The following NBEAL1 variants were observed in gnomAD, a reference collection of about 807,000 sequenced individuals.
NBEAL1 encodes neurobeachin like 1, also known as neurobeachin-like protein 1.
A neutral mutation model predicts 351.3 loss-of-function variants in NBEAL1; 273 were observed. That is an observed-to-expected ratio of 0.78 (90% CI 0.70 to 0.86). The LOEUF is 0.86. Ranked by LOEUF, NBEAL1 falls within the 40% of genes least tolerant of loss-of-function variation. The probability of loss-of-function intolerance (pLI) is 0.00; values close to 1 mark genes in which losing one functional copy is unlikely to be tolerated. For synonymous variants in NBEAL1, 1,050 were observed against 1,086.4 expected (o/e 0.97, Z 0.66); for missense variants, 2,961 against 3,201.3 (o/e 0.92, Z 1.81).
rs2064268909 is a variant in NBEAL1, at chr2:203,169,963, T to C, written c.6102+112T>C. 1.6e-5 allele frequency: 11 copies of C among 672,538 alleles called. No homozygotes were observed. The South Asian group carries it at 1.9e-4, about 12-fold the overall frequency. 41.7% of individuals were successfully genotyped at this position (672,538 alleles called of 1,614,324 possible). On this transcript the variant is annotated intron_variant, in intron 39 of 55. Coordinates refer to ENST00000683969, the MANE Select transcript of NBEAL1 (RefSeq NM_001378026.1). ...ACAACTGCTGTTCTTCCATTCAGAC[T>C]GATCTTTTGAATTATCTTTGAATCT... is the stretch of plus-strand genomic sequence containing the variant.
At chr2:203,024,551 CA>C (rs59398616) in intron 2 of NBEAL1, among the ~76,000 whole-genome samples, 95 of 131,650 alleles carry the variant, frequency 7.2e-4, no homozygotes, top group Admixed American at 1.1e-3. Flanking sequence ...GACTCTGTCT[CA>C]AAAAAAAAAA....
chr2:203,178,557 A>G (rs527280853), intron 42 of NBEAL1, among the ~76,000 whole-genome samples: 5 of 152,352 alleles, frequency 3.3e-5, no homozygotes, highest in African/African-American at 1.2e-4. Flanking sequence ...ACAATGGAAT[A>G]TTATTTGGCC....
At chr2:203,095,369 ACCGCAACCTCCAC>A (rs1574961819) in intron 10 of NBEAL1, among the ~76,000 whole-genome samples, 1 of 151,454 alleles carries the variant, frequency 6.6e-6, no homozygotes, top group East Asian at 2.0e-4. Context: ...ATCTCGGCTC[ACCGCAACCTCCAC>A]CTCCCAGGTT....
rs575469227 is a variant in NBEAL1 at position 203,174,820 on chromosome 2, G to T, written c.6324-327G>T. Among the ~76,000 whole-genome samples, 12 of 151,602 alleles carry T rather than the reference G, an allele frequency of 7.9e-5. No homozygotes were observed. In the East Asian group the frequency reaches 2.3e-3, roughly 29 times the overall value. On this transcript the variant is annotated intron_variant, in intron 41 of 55. Transcript: ENST00000683969. ...GCAGGAGAATGATGTGAACCCAGGA[G>T]GCGGAGCTTGCAGTGAGCCGAGAGC...
intron 4 of NBEAL1, among the ~76,000 whole-genome samples, chr2:203,054,471 G>C (rs527314533): frequency 2.0e-5 from 3 of 151,088 alleles, no homozygotes; most frequent in African/African-American, 7.3e-5. Context: ...GTCTTGCTAC[G>C]TTGCCCAGGC....
chr2:203,207,539 T>A (rs932627958), intron 51 of NBEAL1, among the ~76,000 whole-genome samples: 1 of 152,330 alleles, frequency 6.6e-6, no homozygotes, highest in Admixed American at 6.5e-5. Flanking sequence ...GAGGTAGACA[T>A]GGGAGACTTT....
At chr2:203,179,409 G>T (rs1375522961) in intron 42 of NBEAL1, among the ~76,000 whole-genome samples, 2 of 152,150 alleles carry the variant, frequency 1.3e-5, no homozygotes, top group Non-Finnish European at 2.9e-5. Flanking sequence ...GTTTGACACT[G>T]TAGCACATTA....
intron 12 of NBEAL1, 136 bp downstream of exon 12, chr2:203,099,848 A>G: frequency 1.7e-6 from 1 of 599,526 alleles, no homozygotes; most frequent in Non-Finnish European, 2.9e-6. Flanking sequence ...CCACCCAGGT[A>G]ATAAGCATAG....
rs755713932 is a variant in NBEAL1 at position 203,145,043 on chromosome 2, T to C, written c.5187T>C (p.His1729=). 46 of 1,608,566 alleles carry C rather than the reference T, an allele frequency of 2.9e-5. No homozygotes were observed. In the South Asian group the frequency reaches 5.0e-4, roughly 18 times the overall value. ...CTTATATGAAGCAGTATGAAGCTCA[T>C]ACATTTTACGATGGTCATGAGAACA... ...IVPYMKQYEA[H]TFYDGHENMA... Residue 1729 remains histidine, a synonymous_variant, in exon 33 of 56, where the codon CAT becomes CAC. Transcript: ENST00000683969.
intron 38 of NBEAL1, among the ~76,000 whole-genome samples, chr2:203,168,666 T>G (rs1053502858): frequency 6.6e-6 from 1 of 152,008 alleles, no homozygotes; most frequent in African/African-American, 2.4e-5. Flanking sequence ...GAGGCCAAGG[T>G]GGCTGGATCA....
chr2:203,167,986 T>C (rs1307706130), intron 38 of NBEAL1, among the ~76,000 whole-genome samples: 1 of 152,232 alleles, frequency 6.6e-6, no homozygotes, highest in Non-Finnish European at 1.5e-5. Context: ...GCATCTGCTT[T>C]TCAGAAGACT....
At chr2:203,072,231 C>T (rs947641722) in intron 7 of NBEAL1, among the ~76,000 whole-genome samples, 1 of 152,190 alleles carries the variant, frequency 6.6e-6, no homozygotes, top group Non-Finnish European at 1.5e-5. Flanking sequence ...AGTCTACCTT[C>T]ATTCCTTCCC....
chr2:203,086,023 A>T lies in NBEAL1; in HGVS notation c.1098+1454A>T, dbSNP rs1559355375. 2.0e-5 allele frequency: 3 copies of T among 152,242 alleles called. No individual in the cohort carries two copies. The East Asian group carries it at 5.8e-4, about 29-fold the overall frequency. The allele number at this position is 152,242 out of a possible 1,614,324, so 9.4% of individuals were successfully genotyped here. On this transcript the variant is annotated intron_variant, in intron 10 of 55. Transcript: ENST00000683969. ...CCAGCTACTTGATAGCTTTTCCATT[A>T]TCAGTGTTAACTTTTTCTGCAGTTG...
chr2:203,020,052 G>A (rs1314227244), intron 2 of NBEAL1, among the ~76,000 whole-genome samples: 1 of 151,852 alleles, frequency 6.6e-6, no homozygotes, highest in Non-Finnish European at 1.5e-5. Flanking sequence ...AATTTTAATT[G>A]ATAATAATTT....
In NBEAL1 at chr2:203,183,298, A is replaced by G. The variant is rs1305107491; in HGVS notation, c.6615A>G (p.Leu2205=). ...TCTTAGAATTTAACTTGGGTCGTCT[A>G]CAGATTTCCAAAGAATTAGTAAATG... ...ENQNQFNLGR[L]QISKELVNDV... is the part of the protein sequence containing the mutation. Residue 2205 remains leucine (L), a synonymous_variant, in exon 44 of 56, where the codon CTA becomes CTG. Coordinates refer to ENST00000683969, the MANE Select transcript of NBEAL1 (RefSeq NM_001378026.1). 3.8e-6 allele frequency: 6 copies of G among 1,584,176 alleles called. No homozygotes were observed. The highest frequency in any genetic ancestry group is 4.3e-6 in the Non-Finnish European group (5 of 1,164,918).
At chr2:203,041,944 A>G in intron 3 of NBEAL1, 88 bp downstream of exon 3, 1 of 842,836 alleles carries the variant, frequency 1.2e-6, no homozygotes. Context: ...CAAGGATGGC[A>G]ATTATGTTAC....
chr2:203,185,684 C>T (rs775522874), intron 44 of NBEAL1, among the ~76,000 whole-genome samples: 4 of 152,126 alleles, frequency 2.6e-5, no homozygotes, highest in Non-Finnish European at 4.4e-5. Context: ...AAAGCTGCAT[C>T]GAAACGGTAG....
intron 6 of NBEAL1, chr2:203,061,966 C>T (rs1027264724): frequency 3.5e-6 from 1 of 284,140 alleles, no homozygotes; most frequent in Non-Finnish European, 6.8e-6. Flanking sequence ...AAAGGCTTTC[C>T]CACATTGTTT....
At chr2:203,121,183 A>G (rs78788424) in intron 18 of NBEAL1, among the ~76,000 whole-genome samples, 5,352 of 152,038 alleles carry the variant, frequency 0.035, 303 homozygotes, top group African/African-American at 0.12. Context: ...CTGTAATTGT[A>G]TTTTTATATT....
Sources: allele counts gnomAD v4.1 joint callset (sites outside exome capture counted in the v4.1 genomes callset), GRCh38; gene constraint gnomAD v4.1.1; transcripts MANE v1.5; gene names NCBI Gene and HGNC (gene_info 2026-07-23, HGNC 2026-07-21).